Variants in DPP6 observed in about 807,000 individuals in gnomAD.
DPP6 encodes the protein A-type potassium channel modulatory protein DPP6.
A neutral mutation model predicts 122.6 loss-of-function variants in DPP6; 69 were observed. The ratio of observed to expected loss-of-function variants is 0.56; its 90% confidence interval spans 0.46 to 0.69. The LOEUF (loss-of-function observed/expected upper bound fraction) is 0.69. Ranked by LOEUF, DPP6 falls within the 30% of genes least tolerant of loss-of-function variation. DPP6 has a pLI of 0.00. For missense variants in DPP6, 928 were observed against 1,116.9 expected (o/e 0.83, Z 2.41); for synonymous variants, 418 against 433.1 (o/e 0.97, Z 0.43).
At chr7:154,437,874 T>G (rs1552733) in intron 1 of DPP6, among the ~76,000 whole-genome samples, 1 of 151,936 alleles carries the variant, frequency 6.6e-6, no homozygotes, top group Non-Finnish European at 1.5e-5. Context: ...GAGGCAGAGA[T>G]TGTAGTGAGC....
chr7:154,036,929 G>T (rs1276193432), intron 1 of DPP6, among the ~76,000 whole-genome samples: 1 of 152,142 alleles, frequency 6.6e-6, no homozygotes, highest in Non-Finnish European at 1.5e-5. Flanking sequence ...GTGGGTGAGT[G>T]GGCCTGGTCA....
chr7:154,694,823 G>A (rs553833284), intron 7 of DPP6, among the ~76,000 whole-genome samples: 8 of 152,226 alleles, frequency 5.3e-5, no homozygotes, highest in South Asian at 4.2e-4. Context: ...GGACAGTCCC[G>A]GGTAAGCGGG....
At chr7:154,627,014 T>C (rs1267371247) in intron 5 of DPP6, among the ~76,000 whole-genome samples, 4 of 114,670 alleles carry the variant, frequency 3.5e-5, no homozygotes, top group South Asian at 6.9e-4. Context: ...TTTTTTTTTT[T>C]TTTTTTTTTT....
chr7:154,182,964 C>T (rs1287397187), intron 1 of DPP6, among the ~76,000 whole-genome samples: 3 of 152,134 alleles, frequency 2.0e-5, no homozygotes, highest in Admixed American at 2.0e-4. Context: ...CCTGGAGTGC[C>T]TTCCTGTAAT....
At chr7:153,874,853 G>T in the DPP6 span, among the ~76,000 whole-genome samples, 2 of 152,138 alleles carry the variant, frequency 1.3e-5, no homozygotes, top group African/African-American at 2.4e-5. Flanking sequence ...GTTACAAGTA[G>T]AAAAATGTAG....
At chr7:154,815,887 A>C (rs977830701) in intron 16 of DPP6, among the ~76,000 whole-genome samples, 1 of 152,344 alleles carries the variant, frequency 6.6e-6, no homozygotes, top group East Asian at 1.9e-4. Flanking sequence ...TCCTTCTCCA[A>C]GTTGAGTGGA....
In DPP6 at chr7:154,095,859, G is replaced by A. The variant is rs1458258593; in HGVS notation, c.243+42796G>A. The A allele has an allele frequency of 3.4e-4, 47 of 136,642 alleles. 2 individuals carry two copies. Among genetic ancestry groups the A allele is most frequent in the African/African-American group, 1.1e-3 (40 of 36,816 alleles). 8.5% of individuals were successfully genotyped at this position (136,642 alleles called of 1,614,324 possible). The stretch of plus-strand genomic sequence containing the variant: ...AGAAAAGACAGCGTCCTGGAGGAGA[G>A]CTTGTTGGAGCAGATTTACAAGGGA... On this transcript the variant is annotated intron_variant, in intron 1 of 25. Transcript: ENST00000377770.
chr7:153,970,044 C>T (rs1196411019), intron 1 of DPP6, among the ~76,000 whole-genome samples: 2 of 152,158 alleles, frequency 1.3e-5, no homozygotes, highest in African/African-American at 4.8e-5. Context: ...TGTAGAATTT[C>T]GTTATATGGA....
At chr7:154,592,765 C>T (rs539479256) in intron 5 of DPP6, among the ~76,000 whole-genome samples, 11 of 152,052 alleles carry the variant, frequency 7.2e-5, no homozygotes, top group African/African-American at 1.4e-4. Flanking sequence ...GATGAGCAAA[C>T]GGAGTGATGT....
At chr7:154,311,496 C>G (rs1382388983) in intron 1 of DPP6, among the ~76,000 whole-genome samples, 1 of 120,110 alleles carries the variant, frequency 8.3e-6, no homozygotes, top group Non-Finnish European at 1.7e-5. Context: ...AACCCTGTCT[C>G]CACAAAAAAA....
chr7:154,276,043 C>T (rs1563402700), intron 1 of DPP6, among the ~76,000 whole-genome samples: 2 of 152,182 alleles, frequency 1.3e-5, no homozygotes, highest in East Asian at 1.9e-4. Context: ...CTAGCATAGC[C>T]GTCACTTTGG....
intron 10 of DPP6, among the ~76,000 whole-genome samples, chr7:154,784,403 G>A (rs1357654833): frequency 6.6e-6 from 1 of 152,122 alleles, no homozygotes; most frequent in African/African-American, 2.4e-5. Flanking sequence ...AGCCCGCAGA[G>A]AGCTCAGCAC....
chr7:154,223,776 G>A lies in DPP6; in HGVS notation c.243+170713G>A, dbSNP rs891524783. ...CCCATGGAGAGGCTCTTGGGGTGAG[G>A]GTAGAGTGAGGACAACTTCACATTT... On this transcript the variant is annotated intron_variant, in intron 1 of 25. Transcript: ENST00000377770. Among the ~76,000 whole-genome samples, 13 of 148,866 alleles carry A rather than the reference G, an allele frequency of 8.7e-5. 2 individuals carry two copies. The highest frequency in any genetic ancestry group is 7.9e-4 in the East Asian group (4 of 5,072).
At chr7:154,631,219 C>T (rs1483812040) in intron 5 of DPP6, among the ~76,000 whole-genome samples, 5 of 152,302 alleles carry the variant, frequency 3.3e-5, no homozygotes, top group Admixed American at 3.3e-4. Context: ...CAGGTTGGTG[C>T]CTGCCTTCCA....
chr7:153,934,950 G>C (rs1000992816), intron 1 of DPP6, among the ~76,000 whole-genome samples: 1 of 152,192 alleles, frequency 6.6e-6, no homozygotes, highest in Non-Finnish European at 1.5e-5. Context: ...TGAAAACAAG[G>C]CTTCGGCACT....
At chr7:154,121,073 C>T (rs1466061359) in intron 1 of DPP6, among the ~76,000 whole-genome samples, 1 of 152,188 alleles carries the variant, frequency 6.6e-6, no homozygotes, top group East Asian at 1.9e-4. Flanking sequence ...CTCATGCCCT[C>T]TCTTGCTGCT....
intron 1 of DPP6, among the ~76,000 whole-genome samples, chr7:154,023,747 G>C (rs1798834953): frequency 1.3e-5 from 2 of 152,120 alleles, no homozygotes; most frequent in African/African-American, 4.8e-5. Flanking sequence ...CTCCCAAAGT[G>C]CTGGGATTAC....
chr7:154,268,721 C>A (rs566297960), intron 1 of DPP6, among the ~76,000 whole-genome samples: 1 of 152,068 alleles, frequency 6.6e-6, no homozygotes, highest in Non-Finnish European at 1.5e-5. Flanking sequence ...ATTTTCCCTG[C>A]GATGACACGT....
At chr7:154,378,380 C>T (rs1032452505) in intron 1 of DPP6, among the ~76,000 whole-genome samples, 4 of 152,242 alleles carry the variant, frequency 2.6e-5, no homozygotes, top group African/African-American at 4.8e-5. Flanking sequence ...TTAAGGCCCT[C>T]TTAAAAACAC....
Sources: allele counts gnomAD v4.1 joint callset (sites outside exome capture counted in the v4.1 genomes callset), GRCh38; gene constraint gnomAD v4.1.1; transcripts MANE v1.5; gene names NCBI Gene and HGNC (gene_info 2026-07-23, HGNC 2026-07-21).